The following CCPG1 variants were observed in gnomAD, a reference collection of about 807,000 sequenced individuals.
The protein encoded by CCPG1 is cell cycle progression 1, also known as cell cycle progression protein 1.
A neutral mutation model predicts 81.3 loss-of-function variants in CCPG1; 46 were observed. The observed-to-expected ratio is 0.57, with a 90% CI of 0.45 to 0.72. The LOEUF is 0.72. CCPG1 is among the 30% of genes least tolerant of loss of function. The pLI, the probability that CCPG1 is intolerant of heterozygous loss-of-function variation, is 0.00. For synonymous variants in CCPG1, 330 were observed against 305.2 expected, an observed-to-expected ratio of 1.08 and a Z score of -0.85; for missense variants, 902 against 937.6, an observed-to-expected ratio of 0.96 and a Z score of 0.50.
In CCPG1 at chr15:55,360,210, A is replaced by G; in HGVS notation, c.1563T>C (p.Asn521=). The G allele has an allele frequency of 6.2e-7, 1 of 1,612,846 alleles. No individual in the cohort carries two copies. The highest frequency in any genetic ancestry group is 2.2e-5 in the East Asian group (1 of 44,848). ...IKQAKEAVKE[N]LKKFSDSVKS... ...TAACTGAATCTGAGAATTTTTTCAGATTTTCCTTCACAGCTTCTTTAGCCT... is the reference window on the plus strand; with the variant it reads ...TAACTGAATCTGAGAATTTTTTCAGGTTTTCCTTCACAGCTTCTTTAGCCT... Residue 521 remains asparagine, a synonymous_variant, in exon 8 of 9, where the codon AAT becomes AAC. Transcript: ENST00000442196.
chr15:55,388,081 G>A (rs2056839277), intron 2 of CCPG1, among the ~76,000 whole-genome samples: 1 of 151,868 alleles, frequency 6.6e-6, no homozygotes, highest in South Asian at 2.1e-4. Flanking sequence ...AACCCAGGAG[G>A]CGAAGGTTGC....
chr15:55,403,823 G>A (rs1211372405), intron 1 of CCPG1, among the ~76,000 whole-genome samples: 1 of 152,174 alleles, frequency 6.6e-6, no homozygotes, highest in East Asian at 1.9e-4. Flanking sequence ...GTTCTGCACT[G>A]TTAGATGAGT....
intron 5 of CCPG1, 181 bp from the exon 6 acceptor site, chr15:55,372,225 C>T (rs915780798): frequency 1.8e-5 from 11 of 604,594 alleles, no homozygotes; most frequent in African/African-American, 1.1e-4. Context: ...AAAGCCAAAA[C>T]ATAAAGCATT....
At chr15:55,385,801 TAA>T in intron 2 of CCPG1, 87 bp from the exon 3 acceptor site, 1 of 738,746 alleles carries the variant, frequency 1.4e-6, no homozygotes, top group Non-Finnish European at 2.4e-6. Context: ...CTTCCATTAT[TAA>T]AAGTCTCAGA....
intron 7 of CCPG1, among the ~76,000 whole-genome samples, chr15:55,361,697 T>G (rs1345706483): frequency 6.9e-6 from 1 of 145,754 alleles, no homozygotes; most frequent in Non-Finnish European, 1.5e-5. Context: ...AGAGCGAGAC[T>G]CTGTCTCAAA....
Position 55,360,830 on chromosome 15 carries a change from C to T in CCPG1, c.943G>A (p.Glu315Lys). ...TENQYLRVSL[E>K]KEEKALSSLQ... ...GAGGATAAGGCTTTTTCTTCCTTCT[C>T]CAAGGATACTCTTAAATACTGATTT... Residue 315 changes from glutamate to lysine, a missense_variant, in exon 8 of 9, where the codon GAG becomes AAG. Around this residue, in one of 3 missense-constraint regions of CCPG1, gnomAD observed 746 missense variants for 728.6 expected, o/e 1.02. Coordinates refer to ENST00000442196, the MANE Select transcript of CCPG1 (RefSeq NM_001204450.2). 2 of 1,611,960 alleles carry T rather than the reference C, an allele frequency of 1.2e-6. No homozygotes were observed. Among genetic ancestry groups the T allele is most frequent in the South Asian group, 1.1e-5 (1 of 90,410 alleles).
chr15:55,356,781 C>G, intron 8 of CCPG1: 1 of 998,084 alleles, frequency 1.0e-6, no homozygotes, highest in Non-Finnish European at 1.2e-6. Context: ...CTCTCACAAA[C>G]AAAGCAAAAC....
chr15:55,396,930 C>T (rs537742352), intron 1 of CCPG1, among the ~76,000 whole-genome samples: 2 of 152,206 alleles, frequency 1.3e-5, no homozygotes, highest in African/African-American at 2.4e-5. Flanking sequence ...ATAAGCCGGG[C>T]GCGGTGGCTC....
At chr15:55,398,005 C>T (rs2057055251) in intron 1 of CCPG1, among the ~76,000 whole-genome samples, 2 of 151,412 alleles carry the variant, frequency 1.3e-5, no homozygotes, top group South Asian at 2.1e-4. Flanking sequence ...GAAAAGGAAA[C>T]CAGCAAATTG....
chr15:55,395,056 A>G (rs1453429210), intron 1 of CCPG1, among the ~76,000 whole-genome samples: 1 of 152,050 alleles, frequency 6.6e-6, no homozygotes, highest in Non-Finnish European at 1.5e-5. Flanking sequence ...GCAGCACCCA[A>G]TTAAAGCCTT....
chr15:55,388,447 A>G (rs34482650), intron 2 of CCPG1, among the ~76,000 whole-genome samples: 27,021 of 152,158 alleles, frequency 0.18, 4,144 homozygotes, highest in African/African-American at 0.42. Flanking sequence ...TATAACGTAA[A>G]TGGAACACAT....
intron 2 of CCPG1, among the ~76,000 whole-genome samples, chr15:55,388,487 A>C (rs994105556): frequency 2.0e-5 from 3 of 152,226 alleles, no homozygotes; most frequent in Non-Finnish European, 4.4e-5. Context: ...GATCTGTTCA[A>C]ATCCAGGATC....
intron 6 of CCPG1, among the ~76,000 whole-genome samples, chr15:55,371,076 G>A (rs1029293289): frequency 2.0e-5 from 3 of 152,058 alleles, no homozygotes; most frequent in Non-Finnish European, 4.4e-5. Context: ...TTGTGCCACT[G>A]CACTCCAGCC....
intron 1 of CCPG1, among the ~76,000 whole-genome samples, chr15:55,402,981 A>T (rs534585659): frequency 1.9e-3 from 297 of 152,336 alleles, no homozygotes; most frequent in African/African-American, 6.7e-3. Flanking sequence ...CAGTCTGGAA[A>T]AAGCCACCAA....
intron 2 of CCPG1, among the ~76,000 whole-genome samples, chr15:55,386,622 C>A (rs183281029): frequency 1.2e-3 from 184 of 152,156 alleles, no homozygotes; most frequent in African/African-American, 4.3e-3. Context: ...AGGGCCGGGG[C>A]AGTGGCTCAC....
chr15:55,389,097 T>C (rs1406961865), intron 2 of CCPG1, among the ~76,000 whole-genome samples: 3 of 107,398 alleles, frequency 2.8e-5, no homozygotes, highest in Non-Finnish European at 6.4e-5. Context: ...AAAGACAAAA[T>C]TATATGAAAA....
chr15:55,381,253 G>A (rs554150798), intron 3 of CCPG1, among the ~76,000 whole-genome samples: 4 of 151,090 alleles, frequency 2.6e-5, no homozygotes, highest in African/African-American at 4.9e-5. Context: ...GGCCAACATG[G>A]TGAAACCCCC....
At chr15:55,403,204 AC>A (rs1316332420) in intron 1 of CCPG1, among the ~76,000 whole-genome samples, 1 of 152,114 alleles carries the variant, frequency 6.6e-6, no homozygotes, top group Non-Finnish European at 1.5e-5. Context: ...CTTCACAAAT[AC>A]CCCCATAAAG....
chr15:55,373,678 C>G (rs2056500312), intron 5 of CCPG1, among the ~76,000 whole-genome samples: 1 of 152,118 alleles, frequency 6.6e-6, no homozygotes, highest in African/African-American at 2.4e-5. Context: ...GAAAGGAAGA[C>G]TTAAACAAAG....
Sources: gnomAD v4.1 joint callset for allele counts (sites outside exome capture counted in the v4.1 genomes callset) on GRCh38, gnomAD v4.1.1 for gene constraint, gnomAD v4.1.1 regional missense constraint, MANE v1.5 for transcripts, NCBI Gene and HGNC (gene_info 2026-07-23, HGNC 2026-07-21) for gene names.